CDYL2: variants seen among roughly 807,000 people sequenced by gnomAD.
CDYL2 encodes chromodomain Y-like protein 2.
CDYL2 carries 23 observed loss-of-function variants against 49.4 expected under a neutral mutation model. The ratio of observed to expected loss-of-function variants is 0.47; its 90% CI spans 0.34 to 0.66. CDYL2 has a LOEUF of 0.66. Among genes scored for constraint, CDYL2 ranks in the 30% least tolerant of loss-of-function variants. The pLI, the probability that CDYL2 is intolerant of heterozygous loss-of-function variation, is 0.01. For missense variants in CDYL2, 678 were observed against 656.4 expected, an observed-to-expected ratio of 1.03 and a Z score of -0.36; for synonymous variants, 360 against 268.8, an observed-to-expected ratio of 1.34 and a Z score of -3.32.
chr16:80,712,854 C>A (rs1040436620), intron 1 of CDYL2, among the ~76,000 whole-genome samples: 1 of 152,178 alleles, frequency 6.6e-6, no homozygotes, highest in Non-Finnish European at 1.5e-5. Flanking sequence ...AATTTTATAT[C>A]CCCTGGGTGT....
chr16:80,772,920 AG>A (rs143776223), intron 1 of CDYL2, among the ~76,000 whole-genome samples: 10,139 of 152,164 alleles, frequency 0.067, 395 homozygotes, highest in African/African-American at 0.11. Context: ...TGGGACAAAA[AG>A]AAAGCACACA....
chr16:80,804,594 C>T lies in CDYL2; in HGVS notation c.-421G>A, dbSNP rs1466816877. ...CCCGCCGCCGGCCCGGACGCTGCTG[C>T]CACTGGGCGAGTCCCCGCCCCCCGG... is the stretch of plus-strand genomic sequence containing the variant. On this transcript the variant is annotated 5_prime_UTR_variant, in exon 1 of 7. Transcript: ENST00000570137. 1.4e-5 allele frequency among the ~76,000 whole-genome samples: 2 copies of T among 145,430 alleles called. No individual in the cohort carries two copies. Among genetic ancestry groups the T allele is most frequent in the East Asian group, 4.1e-4 (2 of 4,918 alleles).
intron 4 of CDYL2, among the ~76,000 whole-genome samples, chr16:80,619,504 A>T (rs940692427): frequency 2.0e-5 from 3 of 152,216 alleles, no homozygotes; most frequent in African/African-American, 7.2e-5. Context: ...ACGGGTCACA[A>T]AAATGGGCAC....
At chr16:80,660,366 G>C (rs1366935347) in intron 2 of CDYL2, among the ~76,000 whole-genome samples, 1 of 151,906 alleles carries the variant, frequency 6.6e-6, no homozygotes, top group East Asian at 1.9e-4. Flanking sequence ...TGAAAGCCAA[G>C]CAGAAGGAAG....
intron 2 of CDYL2, among the ~76,000 whole-genome samples, chr16:80,682,863 A>G (rs950666740): frequency 6.6e-6 from 1 of 152,222 alleles, no homozygotes; most frequent in Non-Finnish European, 1.5e-5. Context: ...CAGCTTTTAC[A>G]TATGTTCACA....
intron 1 of CDYL2, among the ~76,000 whole-genome samples, chr16:80,692,741 T>C (rs143893087): frequency 6.6e-6 from 1 of 152,316 alleles, no homozygotes; most frequent in East Asian, 1.9e-4. Context: ...ATAATGAGTA[T>C]AGGAAATGGT....
At chr16:80,613,767 A>G (rs1419364477) in intron 4 of CDYL2, among the ~76,000 whole-genome samples, 2 of 152,214 alleles carry the variant, frequency 1.3e-5, no homozygotes, top group Non-Finnish European at 2.9e-5. Flanking sequence ...GGAAAGACAC[A>G]AGATGTCTAG....
chr16:80,671,659 G>C (rs1481710270), intron 2 of CDYL2, among the ~76,000 whole-genome samples: 1 of 152,234 alleles, frequency 6.6e-6, no homozygotes, highest in Non-Finnish European at 1.5e-5. Context: ...AGCATGCAGA[G>C]AAAAAGCTCA....
intron 1 of CDYL2, among the ~76,000 whole-genome samples, chr16:80,705,250 G>A (rs1015225490): frequency 2.6e-5 from 4 of 152,218 alleles, no homozygotes; most frequent in East Asian, 1.9e-4. Flanking sequence ...TCCCTTTGCA[G>A]TCTTCCACAG....
At chr16:80,761,936 A>G (rs1042807296) in intron 1 of CDYL2, among the ~76,000 whole-genome samples, 6 of 151,534 alleles carry the variant, frequency 4.0e-5, no homozygotes, top group Admixed American at 2.6e-4. Flanking sequence ...CAAAAATCCC[A>G]GCATTTTGGG....
At position 80,608,167 on chromosome 16, in the gene CDYL2, C is replaced by T. The variant is rs777352705; in HGVS notation, c.1287G>A (p.Ser429=). ...TGAACGTGGTGGGCCAGAAGACCTG[C>T]GACACCAGCCCCCTGCTGCAGGCCT... is the stretch of plus-strand genomic sequence containing the variant. ...AQEACSRGLV[S]QVFWPTTFSQ... The change falls in exon 6 of 7, where the codon TCG becomes TCA. Residue 429 remains serine, a synonymous_variant. Coordinates refer to ENST00000570137, the MANE Select transcript of CDYL2 (RefSeq NM_152342.4). 45 of 1,604,224 alleles carry T rather than the reference C, an allele frequency of 2.8e-5. No individual in the cohort carries two copies. Among genetic ancestry groups the T allele is most frequent in the South Asian group, 1.8e-4 (16 of 88,704 alleles).
rs896303924 is a variant in CDYL2, at chr16:80,671,058, G to C, written c.616+13480C>G. The C allele has an allele frequency of 1.3e-4, 57 of 452,266 alleles. No individual in the cohort carries two copies. The Middle Eastern group carries it at 1.4e-3, about 11-fold the overall frequency. 28.0% of individuals were successfully genotyped at this position (452,266 alleles called of 1,614,324 possible). ...TTCCTCTATGGCATCCCTGACCCCA[G>C]TGGAGGCTTCTCTCTCCTGCCGCAG... On this transcript the variant is annotated intron_variant, in intron 2 of 6. Coordinates refer to ENST00000570137, the MANE Select transcript of CDYL2 (RefSeq NM_152342.4).
intron 2 of CDYL2, among the ~76,000 whole-genome samples, chr16:80,658,077 G>C (rs1250650006): frequency 6.6e-6 from 1 of 150,412 alleles, no homozygotes; most frequent in African/African-American, 2.4e-5. Context: ...AAAAAAAGAT[G>C]GGAAAATAAC....
intron 1 of CDYL2, among the ~76,000 whole-genome samples, chr16:80,739,918 G>A (rs1273406579): frequency 6.6e-6 from 1 of 152,198 alleles, no homozygotes; most frequent in African/African-American, 2.4e-5. Flanking sequence ...CAAGTCTGTG[G>A]AGCACAAAGC....
intron 2 of CDYL2, among the ~76,000 whole-genome samples, chr16:80,633,916 T>C (rs1907692728): frequency 2.0e-5 from 3 of 152,214 alleles, no homozygotes; most frequent in Admixed American, 6.5e-5. Context: ...ATGATCCAGA[T>C]GTATAACGGT....
At chr16:80,616,272 C>G (rs1239986785) in intron 4 of CDYL2, among the ~76,000 whole-genome samples, 2 of 152,196 alleles carry the variant, frequency 1.3e-5, no homozygotes, top group African/African-American at 2.4e-5. Flanking sequence ...AGATAGGGAG[C>G]TGAATAAGAA....
intron 1 of CDYL2, among the ~76,000 whole-genome samples, chr16:80,693,455 G>C (rs1449066432): frequency 6.6e-6 from 1 of 151,990 alleles, no homozygotes; most frequent in African/African-American, 2.4e-5. Flanking sequence ...TGAGGCCAAA[G>C]GTATTATTTA....
chr16:80,656,892 T>G (rs1597152666), intron 2 of CDYL2, among the ~76,000 whole-genome samples: 1 of 152,218 alleles, frequency 6.6e-6, no homozygotes, highest in African/African-American at 2.4e-5. Flanking sequence ...GAGCCCAGGC[T>G]TAGAGCTGGA....
At chr16:80,759,122 A>ATGGTT (rs1263268225) in intron 1 of CDYL2, among the ~76,000 whole-genome samples, 2 of 127,854 alleles carry the variant, frequency 1.6e-5, no homozygotes, top group African/African-American at 6.7e-5. Context: ...ATATATATAT[A>ATGGTT]TATATATATA....
Sources: gnomAD v4.1 joint callset for allele counts (sites outside exome capture counted in the v4.1 genomes callset) on GRCh38, gnomAD v4.1.1 for gene constraint, MANE v1.5 for transcripts, NCBI Gene and HGNC (gene_info 2026-07-23, HGNC 2026-07-21) for gene names.